Variants in PCDHB1 observed in about 807,000 individuals in gnomAD.
PCDHB1 encodes protocadherin beta-1.
A neutral mutation model predicts 43.5 loss-of-function variants in PCDHB1; 44 were observed. That is an observed-to-expected ratio of 1.01 (90% CI 0.79 to 1.30). The LOEUF is 1.30. PCDHB1 is among the 50% of genes most tolerant of loss of function. PCDHB1 has a pLI of 0.00. For missense variants in PCDHB1, 919 were observed against 1,008.9 expected, an observed-to-expected ratio of 0.91 and a Z score of 1.21; for synonymous variants, 392 against 400.8, an observed-to-expected ratio of 0.98 and a Z score of 0.26.
chr5:141,053,377 C>G lies in PCDHB1; in HGVS notation c.1907C>G (p.Pro636Arg). The change falls in exon 1 of 1, where the codon CCC becomes CGC. Residue 636 changes from proline to arginine, a missense_variant. Pro to Arg is a moderately radical substitution (Grantham distance 103, BLOSUM62 -2). Coordinates refer to ENST00000306549, the MANE Select transcript of PCDHB1 (RefSeq NM_013340.4). ...TTAAGGCAGATATCTGAGAGAGACC[C>G]CATGATGCAGAAATTGATCATTCTT... Reference protein sequence around the residue: ...HTLRQISERDPMMQKLIILVQ... With the variant: ...HTLRQISERDRMMQKLIILVQ... The G allele has an allele frequency of 6.2e-7, 1 of 1,614,152 alleles. No individual in the cohort carries two copies. The highest frequency in any genetic ancestry group is 8.5e-7 in the Non-Finnish European group (1 of 1,180,028).
rs1276510079 is a variant in PCDHB1, at chr5:141,058,727, A to G, written c.*4800A>G. The G allele has an allele frequency of 6.6e-6, 1 of 152,144 alleles. No individual in the cohort carries two copies. Among genetic ancestry groups the G allele is most frequent in the East Asian group, 1.9e-4 (1 of 5,196 alleles). 9.4% of individuals were successfully genotyped at this position (152,144 alleles called of 1,614,324 possible). ...TCTGCTTAAACCAATTTTAGTATCCATTGCTAGATATTTCCTGTGGCAATT... is the reference window on the plus strand; with the variant it reads ...TCTGCTTAAACCAATTTTAGTATCCGTTGCTAGATATTTCCTGTGGCAATT... On this transcript the variant is annotated 3_prime_UTR_variant, in exon 1 of 1. Coordinates refer to ENST00000306549, the MANE Select transcript of PCDHB1 (RefSeq NM_013340.4).
chr5:141,057,887 G>C lies in PCDHB1; in HGVS notation c.*3960G>C, dbSNP rs1751167347. 1 of 152,108 alleles carries C rather than the reference G, an allele frequency of 6.6e-6. No homozygotes were observed. The highest frequency in any genetic ancestry group is 1.5e-5 in the Non-Finnish European group (1 of 68,022). 9.4% of individuals were successfully genotyped at this position (152,108 alleles called of 1,614,324 possible). On this transcript the variant is annotated 3_prime_UTR_variant, in exon 1 of 1. Transcript: ENST00000306549. Reference sequence around the variant, plus strand: ...TTAAGACAAAGAATGGAAATAATTAGGGCAATTACTCTCTCCAAAGTGTCA... The same window carrying C: ...TTAAGACAAAGAATGGAAATAATTACGGCAATTACTCTCTCCAAAGTGTCA...
In PCDHB1 at chr5:141,053,821, C is replaced by T. The variant is rs1554267546; in HGVS notation, c.2351C>T (p.Thr784Ile). 1 of 1,614,032 alleles carries T rather than the reference C, an allele frequency of 6.2e-7. No individual in the cohort carries two copies. The highest frequency in any genetic ancestry group is 1.1e-5 in the South Asian group (1 of 91,078). ...FMPNFPFPHA[T>I]GEIKMEAGSS... ...CCCAACTTCCCTTTCCCTCATGCCACTGGGGAGATAAAAATGGAGGCTGGC... is the reference window on the plus strand; with the variant it reads ...CCCAACTTCCCTTTCCCTCATGCCATTGGGGAGATAAAAATGGAGGCTGGC... The change falls in exon 1 of 1, where the codon ACT becomes ATT. Residue 784 changes from threonine (T) to isoleucine (I), a missense_variant. By Grantham distance (89) the Thr-to-Ile change is moderately conservative. Transcript: ENST00000306549.
At position 141,056,482 on chromosome 5, in the gene PCDHB1, TTAGAG is replaced by T. The variant is rs1405154928; in HGVS notation, c.*2558_*2562del. On this transcript the variant is annotated 3_prime_UTR_variant, in exon 1 of 1. Transcript: ENST00000306549. ...ACATACATTGAGTTATGATTCCGAT[TTAGAG>T]TAAAGGTTTTCTTGCACAAAACATA... The T allele has an allele frequency of 1.3e-5, 2 of 152,216 alleles. No homozygotes were observed. Among genetic ancestry groups the T allele is most frequent in the Non-Finnish European group, 2.9e-5 (2 of 68,036 alleles). 9.4% of individuals were successfully genotyped at this position (152,216 alleles called of 1,614,324 possible).
At position 141,054,710 on chromosome 5, in the gene PCDHB1, T is replaced by TTTTTG. The variant is rs1751090105; in HGVS notation, c.*783_*784insTTTTG. ...TTTTTTTTTTTTTTTTTTTTTTTTT[T>TTTTTG]GAGACGGAGTTTTTCTCTTGTTGCC... On this transcript the variant is annotated 3_prime_UTR_variant, in exon 1 of 1. Transcript: ENST00000306549. 1 of 103,244 alleles carries TTTTTG rather than the reference T, an allele frequency of 9.7e-6. No individual in the cohort carries two copies. Among genetic ancestry groups the TTTTTG allele is most frequent in the East Asian group, 3.1e-4 (1 of 3,238 alleles). 6.4% of individuals were successfully genotyped at this position (103,244 alleles called of 1,614,324 possible).
In PCDHB1 at chr5:141,058,169, A is replaced by G. The variant is rs1751171177; in HGVS notation, c.*4242A>G. 1 of 150,958 alleles carries G rather than the reference A, an allele frequency of 6.6e-6. No individual in the cohort carries two copies. The highest frequency in any genetic ancestry group is 2.2e-4 in the South Asian group (1 of 4,520). 9.4% of individuals were successfully genotyped at this position (150,958 alleles called of 1,614,324 possible). A position where few individuals can be genotyped will look rare whatever the true frequency, so the allele number is the denominator to read the frequency against. On this transcript the variant is annotated 3_prime_UTR_variant, in exon 1 of 1. Transcript: ENST00000306549. ...AAACTACAGATCTTATTCAAATTTAACAGTTTTCCCCCAATGTCCTTTTTC... is the reference window on the plus strand; with the variant it reads ...AAACTACAGATCTTATTCAAATTTAGCAGTTTTCCCCCAATGTCCTTTTTC...
Position 141,055,711 on chromosome 5 carries a change from A to T in PCDHB1, c.*1784A>T, listed in dbSNP as rs1359120385. The T allele has an allele frequency of 1.3e-5, 2 of 152,252 alleles. No homozygotes were observed. The highest frequency in any genetic ancestry group is 6.5e-5 in the Admixed American group (1 of 15,290). 9.4% of individuals were successfully genotyped at this position (152,252 alleles called of 1,614,324 possible). A position where few individuals can be genotyped will look rare whatever the true frequency, so the allele number is the denominator to read the frequency against. The stretch of plus-strand genomic sequence containing the variant: ...TTCTGAAGTTAACACATGCAAACTG[A>T]GAAAAAGTGGCATTTTTAGTAAATC... On this transcript the variant is annotated 3_prime_UTR_variant, in exon 1 of 1. Transcript: ENST00000306549.
rs2154005610 is a variant in PCDHB1 at position 141,054,652 on chromosome 5, G to A, written c.*725G>A. 1 of 150,588 alleles carries A rather than the reference G, an allele frequency of 6.6e-6. No individual in the cohort carries two copies. The highest frequency in any genetic ancestry group is 2.1e-4 in the South Asian group (1 of 4,730). 9.3% of individuals were successfully genotyped at this position (150,588 alleles called of 1,614,324 possible). Reference sequence around the variant, plus strand: ...ATAAGGATAAAGAGATTCAGTTTAGGAATGTTCTCCAAAATTAAATTAGAT... The same window carrying A: ...ATAAGGATAAAGAGATTCAGTTTAGAAATGTTCTCCAAAATTAAATTAGAT... On this transcript the variant is annotated 3_prime_UTR_variant, in exon 1 of 1. Coordinates refer to ENST00000306549, the MANE Select transcript of PCDHB1 (RefSeq NM_013340.4).
rs782334930 is a variant in PCDHB1, at chr5:141,052,674, TACTC to T, written c.1208_1211del (p.Ser403TrpfsTer34). The T allele has an allele frequency of 6.2e-6, 10 of 1,614,220 alleles. 1 individual carries two copies. In the Admixed American group the frequency reaches 1.5e-4, roughly 24 times the overall value. On this transcript the variant is annotated frameshift_variant, in exon 1 of 1. Transcript: ENST00000306549. LOFTEE classifies it high-confidence loss of function. ...AATCAAACCTACATTTGGGAATTCT[TACTC>T]ACTGGTCACTGACAGAAGCTTGGAT...
At position 141,055,466 on chromosome 5, in the gene PCDHB1, C is replaced by T. The variant is rs1343760445; in HGVS notation, c.*1539C>T. 1 of 151,998 alleles carries T rather than the reference C, an allele frequency of 6.6e-6. No homozygotes were observed. Among genetic ancestry groups the T allele is most frequent in the Admixed American group, 6.6e-5 (1 of 15,244 alleles). 9.4% of individuals were successfully genotyped at this position (151,998 alleles called of 1,614,324 possible). A position where few individuals can be genotyped will look rare whatever the true frequency, so the allele number is the denominator to read the frequency against. ...TACATAAATACATAAATACATAAGG[C>T]CTGCTGTAGTTAATAAGTGTTACAG... On this transcript the variant is annotated 3_prime_UTR_variant, in exon 1 of 1. Coordinates refer to ENST00000306549, the MANE Select transcript of PCDHB1 (RefSeq NM_013340.4).
chr5:141,052,932 A>G lies in PCDHB1; in HGVS notation c.1462A>G (p.Thr488Ala), dbSNP rs1554267337. ...TGATTTGGGTGAGAATGCCCAAATA[A>G]CATATTCTCTGTTGCCTCCAAAAAA... Reference protein sequence around the residue: ...DLDLGENAQITYSLLPPKNGD... With the variant: ...DLDLGENAQIAYSLLPPKNGD... The change falls in exon 1 of 1, where the codon ACA becomes GCA. Residue 488 changes from threonine (T) to alanine (A), a missense_variant. Transcript: ENST00000306549. 8.7e-6 allele frequency: 14 copies of G among 1,614,248 alleles called. No homozygotes were observed. The highest frequency in any genetic ancestry group is 1.1e-5 in the Non-Finnish European group (13 of 1,180,046).
chr5:141,051,736 A>C lies in PCDHB1; in HGVS notation c.266A>C (p.Lys89Thr). The change falls in exon 1 of 1, where the codon AAA (lysine) becomes ACA (threonine). Residue 89 changes from lysine to threonine, a missense_variant. Coordinates refer to ENST00000306549, the MANE Select transcript of PCDHB1 (RefSeq NM_013340.4). ...ACGGGAGATTTGTTTGTGAAGGAGA[A>C]ACTGGATCGGGAGTCACTTTGTGGC... is the stretch of plus-strand genomic sequence containing the variant. ...RKTGDLFVKEKLDRESLCGKA... is the reference protein window; with the variant it reads ...RKTGDLFVKETLDRESLCGKA... 6.2e-7 allele frequency: 1 copy of C among 1,614,196 alleles called. No individual in the cohort carries two copies.
At position 141,056,559 on chromosome 5, in the gene PCDHB1, T is replaced by C. The variant is rs559759437; in HGVS notation, c.*2632T>C. The stretch of plus-strand genomic sequence containing the variant: ...TGTGTTCCAATTGGTGAAGGCATGC[T>C]GAAATTTCTATTTCCTTTAAATGAA... On this transcript the variant is annotated 3_prime_UTR_variant, in exon 1 of 1. Transcript: ENST00000306549. The C allele has an allele frequency of 1.8e-4, 27 of 152,346 alleles. No individual in the cohort carries two copies. The highest frequency in any genetic ancestry group is 6.3e-4 in the African/African-American group (26 of 41,580). 9.4% of individuals were successfully genotyped at this position (152,346 alleles called of 1,614,324 possible).
chr5:141,055,335 A>G lies in PCDHB1; in HGVS notation c.*1408A>G, dbSNP rs141863112. 5.3e-3 allele frequency: 809 copies of G among 152,640 alleles called. 3 individuals carry two copies. Among genetic ancestry groups the G allele is most frequent in the Non-Finnish European group, 8.8e-3 (599 of 68,280 alleles). The allele number at this position is 152,640 out of a possible 1,614,324, so 9.5% of individuals were successfully genotyped here. On this transcript the variant is annotated 3_prime_UTR_variant, in exon 1 of 1. Transcript: ENST00000306549. ...GGTACTCAAGAGGCTGAGGCTGGAG[A>G]ATCGCTTGAACCTGGGAGGTGGAGG...
Position 141,058,008 on chromosome 5 carries a change from T to C in PCDHB1, c.*4081T>C, listed in dbSNP as rs1751168926. 1 of 152,242 alleles carries C rather than the reference T, an allele frequency of 6.6e-6. No homozygotes were observed. Among genetic ancestry groups the C allele is most frequent in the Non-Finnish European group, 1.5e-5 (1 of 68,042 alleles). The allele number at this position is 152,242 out of a possible 1,614,324, so 9.4% of individuals were successfully genotyped here. ...AAGGCTTTTTATTAGGAAATAATTCTAGACTCATAAAATTGCAAAAATACT... is the reference window on the plus strand; with the variant it reads ...AAGGCTTTTTATTAGGAAATAATTCCAGACTCATAAAATTGCAAAAATACT... On this transcript the variant is annotated 3_prime_UTR_variant, in exon 1 of 1. Coordinates refer to ENST00000306549, the MANE Select transcript of PCDHB1 (RefSeq NM_013340.4).
In PCDHB1 at chr5:141,051,585, A is replaced by G; in HGVS notation, c.115A>G (p.Met39Val). Residue 39 changes from methionine to valine, a missense_variant, in exon 1 of 1, where the codon ATG (methionine) becomes GTG (valine). By Grantham distance (21) the Met-to-Val change is conservative (BLOSUM62 1). Transcript: ENST00000306549. The stretch of plus-strand genomic sequence containing the variant: ...TATCCGCTATTCAGTGGCAGAGGAA[A>G]TGGAGAGCGGCTCGTTTGTGGCCAA... ...TTIRYSVAEE[M>V]ESGSFVANVA... The G allele has an allele frequency of 6.2e-7, 1 of 1,614,228 alleles. No homozygotes were observed. The highest frequency in any genetic ancestry group is 8.5e-7 in the Non-Finnish European group (1 of 1,180,038).
chr5:141,052,286 C>T lies in PCDHB1; in HGVS notation c.816C>T (p.Gly272=), dbSNP rs200947176. 3.1e-6 allele frequency: 5 copies of T among 1,614,188 alleles called. No homozygotes were observed. The highest frequency in any genetic ancestry group is 4.2e-6 in the Non-Finnish European group (5 of 1,180,044). ...TGACTGCCGTGGACCTAGACGAGGG[C>T]ACCAACAAAGCGATAACTTACTCTT... The part of the protein sequence containing the change: ...ATVTAVDLDE[G]TNKAITYSLA... Residue 272 remains glycine, a synonymous_variant, in exon 1 of 1, where the codon GGC becomes GGT. Coordinates refer to ENST00000306549, the MANE Select transcript of PCDHB1 (RefSeq NM_013340.4).
chr5:141,052,188 C>T lies in PCDHB1; in HGVS notation c.718C>T (p.Pro240Ser), dbSNP rs1453377798. Residue 240 changes from proline to serine, a missense_variant, in exon 1 of 1, where the codon CCC becomes TCC. Transcript: ENST00000306549. Reference protein sequence around the residue: ...VVVLDVNDHVPQFSRLVYRAQ... With the variant: ...VVVLDVNDHVSQFSRLVYRAQ... ...GGTTCTGGATGTCAACGACCACGTG[C>T]CCCAGTTCTCGCGACTGGTGTACAG... 1 of 1,613,944 alleles carries T rather than the reference C, an allele frequency of 6.2e-7. No homozygotes were observed. The highest frequency in any genetic ancestry group is 8.5e-7 in the Non-Finnish European group (1 of 1,179,996).
rs376969495 is a variant in PCDHB1 at position 141,052,696 on chromosome 5, G to A, written c.1226G>A (p.Ser409Asn). The A allele has an allele frequency of 1.4e-5, 23 of 1,614,220 alleles. No homozygotes were observed. The highest frequency in any genetic ancestry group is 1.8e-5 in the Non-Finnish European group (21 of 1,180,038). ...TCTTACTCACTGGTCACTGACAGAA[G>A]CTTGGATCGGGAGGAGGTCTCAGGC... Reference protein sequence around the residue: ...GNSYSLVTDRSLDREEVSGYN... With the variant: ...GNSYSLVTDRNLDREEVSGYN... The change falls in exon 1 of 1, where the codon AGC becomes AAC. Residue 409 changes from serine (S) to asparagine (N), a missense_variant. Physicochemically the swap from Ser to Asn is conservative, Grantham distance 46 (BLOSUM62 1). Coordinates refer to ENST00000306549, the MANE Select transcript of PCDHB1 (RefSeq NM_013340.4).
Sources: gnomAD v4.1 joint callset for allele counts on GRCh38, gnomAD v4.1.1 for gene constraint, MANE v1.5 for transcripts, NCBI Gene and HGNC (gene_info 2026-07-23, HGNC 2026-07-21) for gene names.